Variants in GALNT13 observed in about 807,000 individuals in gnomAD.
The protein encoded by GALNT13 is polypeptide N-acetylgalactosaminyltransferase 13.
GALNT13 carries 28 observed loss-of-function variants against 64.2 expected under a neutral mutation model. The observed-to-expected ratio is 0.44, with a 90% confidence interval of 0.32 to 0.60. GALNT13 has a LOEUF of 0.60. Ranked by LOEUF, GALNT13 falls within the 20% of genes least tolerant of loss-of-function variation. The pLI, the probability that GALNT13 is intolerant of heterozygous loss-of-function variation, is 0.05. For missense variants in GALNT13, 577 were observed against 669.8 expected (o/e 0.86, Z 1.53); for synonymous variants, 214 against 224.6 (o/e 0.95, Z 0.42).
chr2:154,253,751 C>T (rs899795563), intron 7 of GALNT13, among the ~76,000 whole-genome samples: 4 of 152,154 alleles, frequency 2.6e-5, no homozygotes, highest in Non-Finnish European at 2.9e-5. Context: ...CAGGTGCGAG[C>T]AAAGAACATT....
chr2:153,501,081 T>C, the GALNT13 span, among the ~76,000 whole-genome samples: 2 of 151,918 alleles, frequency 1.3e-5, no homozygotes, highest in African/African-American at 4.8e-5. Context: ...AAAAAATATA[T>C]AAATTTGAAA....
chr2:154,449,480 C>CAAA (rs35845747), intron 12 of GALNT13, among the ~76,000 whole-genome samples: 1 of 123,882 alleles, frequency 8.1e-6, no homozygotes. Flanking sequence ...TGGTAATTTG[C>CAAA]AAAAAAAAAA....
chr2:154,377,256 T>C (rs1293292402), intron 9 of GALNT13, among the ~76,000 whole-genome samples: 3 of 149,662 alleles, frequency 2.0e-5, no homozygotes, highest in African/African-American at 7.3e-5. Context: ...TTCAGTGATA[T>C]CTTTTCTGGG....
At chr2:153,963,689 TTC>T (rs1307960783) in intron 3 of GALNT13, among the ~76,000 whole-genome samples, 4 of 149,624 alleles carry the variant, frequency 2.7e-5, no homozygotes, top group South Asian at 2.1e-4. Context: ...GAGCATCAAT[TTC>T]TCTCTCTCTC....
chr2:154,266,967 A>G (rs1391490915), intron 8 of GALNT13, among the ~76,000 whole-genome samples: 1 of 152,104 alleles, frequency 6.6e-6, no homozygotes, highest in Admixed American at 6.6e-5. Context: ...TTATAAAGCT[A>G]TAATAATCAA....
Position 154,016,749 on chromosome 2 carries a change from A to G in GALNT13, c.142+72110A>G, listed in dbSNP as rs114030417. Among the ~76,000 whole-genome samples the G allele has an allele frequency of 7.3e-3, 1,118 of 152,292 alleles. 18 individuals are homozygous for G. Among genetic ancestry groups the G allele is most frequent in the African/African-American group, 0.025 (1,048 of 41,564 alleles). On this transcript the variant is annotated intron_variant, in intron 3 of 12. Coordinates refer to ENST00000392825, the MANE Select transcript of GALNT13 (RefSeq NM_052917.4). Reference sequence around the variant, plus strand: ...TAAATCAACAAATCAAGCCAACAGGATGATTTGAGGATTTATATAAAACAA... The same window carrying G: ...TAAATCAACAAATCAAGCCAACAGGGTGATTTGAGGATTTATATAAAACAA...
intron 4 of GALNT13, among the ~76,000 whole-genome samples, chr2:154,218,297 A>G (rs1338728415): frequency 3.3e-5 from 5 of 152,082 alleles, no homozygotes; most frequent in African/African-American, 4.8e-5. Flanking sequence ...CAGAGATGTG[A>G]CAGTAACTAC....
chr2:153,609,245 T>A, the GALNT13 span, among the ~76,000 whole-genome samples: 4 of 152,144 alleles, frequency 2.6e-5, no homozygotes, highest in Non-Finnish European at 4.4e-5. Flanking sequence ...TTTCTCCTTC[T>A]AATCTTAATC....
intron 8 of GALNT13, among the ~76,000 whole-genome samples, chr2:154,276,511 A>C (rs998951930): frequency 5.6e-4 from 85 of 152,138 alleles, no homozygotes; most frequent in African/African-American, 2.0e-3. Flanking sequence ...GCTGGCATTA[A>C]AGGCATGAAC....
chr2:153,348,925 G>C, the GALNT13 span, among the ~76,000 whole-genome samples: 119,225 of 152,044 alleles, frequency 0.78, 47,545 homozygotes, highest in Middle Eastern at 0.85. Flanking sequence ...GAGAGTCTGA[G>C]GTCCTTTTGA....
At chr2:154,142,540 A>T (rs1574586603) in intron 4 of GALNT13, among the ~76,000 whole-genome samples, 1 of 131,546 alleles carries the variant, frequency 7.6e-6, no homozygotes, top group Non-Finnish European at 1.6e-5. Flanking sequence ...CAAGAGCGAA[A>T]CTCTGTCTCA....
At position 154,264,764 on chromosome 2, in the gene GALNT13, T is replaced by C. The variant is rs1209233717; in HGVS notation, c.975+5626T>C. On this transcript the variant is annotated intron_variant, in intron 8 of 12. Transcript: ENST00000392825. ...ACACTAAAGCAAACTTAGGAATTAT[T>C]TATAGCACTAAATGTCTATATCAGA... Among the ~76,000 whole-genome samples, 26 of 146,706 alleles carry C rather than the reference T, an allele frequency of 1.8e-4. No individual in the cohort carries two copies. The Admixed American group carries it at 1.8e-3, about 10-fold the overall frequency.
intron 11 of GALNT13, among the ~76,000 whole-genome samples, chr2:154,410,849 C>G (rs1045589780): frequency 1.3e-5 from 2 of 151,842 alleles, no homozygotes; most frequent in African/African-American, 4.8e-5. Context: ...AAGAAAGGTA[C>G]CCCAGATGAA....
At chr2:153,125,265 T>C in the GALNT13 span, among the ~76,000 whole-genome samples, 2 of 152,220 alleles carry the variant, frequency 1.3e-5, no homozygotes, top group Non-Finnish European at 2.9e-5. Flanking sequence ...GCCAGTATTC[T>C]TCCTCCCACA....
chr2:153,867,133 T>C (rs1225596533), upstream of GALNT13, among the ~76,000 whole-genome samples: 2 of 152,218 alleles, frequency 1.3e-5, no homozygotes, highest in Non-Finnish European at 2.9e-5. Flanking sequence ...ACTTAATCTT[T>C]ATGTTGCTAA....
At position 153,944,433 on chromosome 2, in the gene GALNT13, G is replaced by A; in HGVS notation, c.-65G>A. ...CTTTCATCTTGGAGTTCACCTGTGT[G>A]GCTTGGATTTATCACAGTAGCATTT... On this transcript the variant is annotated 5_prime_UTR_variant, in exon 3 of 13. An upstream open reading frame in the 5' UTR gains an earlier in-frame stop. Coordinates refer to ENST00000392825, the MANE Select transcript of GALNT13 (RefSeq NM_052917.4). 1 of 1,477,134 alleles carries A rather than the reference G, an allele frequency of 6.8e-7. No homozygotes were observed. Among genetic ancestry groups the A allele is most frequent in the South Asian group, 1.2e-5 (1 of 80,622 alleles). 91.5% of individuals were successfully genotyped at this position (1,477,134 alleles called of 1,614,324 possible).
the GALNT13 span, among the ~76,000 whole-genome samples, chr2:153,688,285 T>G: frequency 1.3e-5 from 2 of 151,906 alleles, no homozygotes; most frequent in African/African-American, 4.8e-5. Flanking sequence ...ACAGAAAAAG[T>G]TTGCAAATCT....
chr2:154,028,310 T>G (rs1447845528), intron 3 of GALNT13, among the ~76,000 whole-genome samples: 1 of 152,182 alleles, frequency 6.6e-6, no homozygotes, highest in African/African-American at 2.4e-5. Context: ...CCTGATAAAT[T>G]TATTCTTCAC....
intron 3 of GALNT13, among the ~76,000 whole-genome samples, chr2:154,133,285 G>A (rs1682730689): frequency 6.6e-6 from 1 of 151,678 alleles, no homozygotes; most frequent in Non-Finnish European, 1.5e-5. Flanking sequence ...TACTATTGGG[G>A]CATTGAAATA....
Sources: gnomAD v4.1 joint callset for allele counts (sites outside exome capture counted in the v4.1 genomes callset) on GRCh38, gnomAD v4.1.1 for gene constraint, MANE v1.5 for transcripts, NCBI Gene and HGNC (gene_info 2026-07-23, HGNC 2026-07-21) for gene names.